The following NEK7 variants were observed in gnomAD, a reference collection of about 807,000 sequenced individuals.
NEK7 encodes the protein serine/threonine-protein kinase Nek7.
NEK7 carries 18 observed loss-of-function variants against 44.6 expected under a neutral mutation model. That is an observed-to-expected ratio of 0.40 (90% CI 0.28 to 0.60). NEK7 has a LOEUF of 0.60. Among genes scored for constraint, NEK7 ranks in the 20% least tolerant of loss-of-function variants. The pLI is 0.38. For synonymous variants in NEK7, 130 were observed against 121.1 expected (o/e 1.07, Z -0.48); for missense variants, 256 against 366.5 (o/e 0.70, Z 2.46).
Position 198,223,726 on chromosome 1 carries a change from A to G in NEK7, c.-28-8827A>G, listed in dbSNP as rs201001804. ...TATTTGAACTTTTAAAGTAAAAATT[A>G]GAGTTTTGGGAAACCTGTATTCATC... On this transcript the variant is annotated intron_variant, in intron 1 of 9. Transcript: ENST00000367385. 1.1e-4 allele frequency among the ~76,000 whole-genome samples: 17 copies of G among 152,332 alleles called. No homozygotes were observed. The East Asian group carries it at 1.5e-3, about 14-fold the overall frequency.
At chr1:198,179,707 A>T (rs1476191695) in intron 1 of NEK7, among the ~76,000 whole-genome samples, 1 of 152,040 alleles carries the variant, frequency 6.6e-6, no homozygotes, top group Non-Finnish European at 1.5e-5. Flanking sequence ...CCTATCCTTC[A>T]ATTGTGGCTT....
At chr1:198,248,891 TA>T (rs1666908122) in intron 2 of NEK7, among the ~76,000 whole-genome samples, 1 of 151,924 alleles carries the variant, frequency 6.6e-6, no homozygotes. Flanking sequence ...TTTATTTTAT[TA>T]TTATTATACT....
intron 9 of NEK7, among the ~76,000 whole-genome samples, chr1:198,300,613 C>G (rs867420257): frequency 1.6e-4 from 24 of 152,222 alleles, no homozygotes; most frequent in African/African-American, 5.5e-4. Flanking sequence ...GATGCCTCCC[C>G]CTGCAGACTG....
At chr1:198,263,043 C>T (rs938861233) in intron 4 of NEK7, among the ~76,000 whole-genome samples, 1 of 151,788 alleles carries the variant, frequency 6.6e-6, no homozygotes, top group Admixed American at 6.6e-5. Context: ...TCTAATGTTT[C>T]AATACTTTTT....
At chr1:198,306,207 T>A (rs1655022013) in intron 9 of NEK7, among the ~76,000 whole-genome samples, 1 of 152,094 alleles carries the variant, frequency 6.6e-6, no homozygotes, top group South Asian at 2.1e-4. Flanking sequence ...TAGGAAATAG[T>A]TTTTCTTTAC....
At chr1:198,270,304 A>C (rs1653795542) in intron 5 of NEK7, among the ~76,000 whole-genome samples, 1 of 151,904 alleles carries the variant, frequency 6.6e-6, no homozygotes, top group Non-Finnish European at 1.5e-5. Context: ...AATAGAAGAA[A>C]CTGTAAATGC....
At position 198,252,047 on chromosome 1, in the gene NEK7, T is replaced by C. The variant is rs376814394; in HGVS notation, c.58-993T>C. 3.5e-4 allele frequency among the ~76,000 whole-genome samples: 53 copies of C among 152,282 alleles called. 1 individual carries two copies. In the East Asian group the frequency reaches 7.3e-3, roughly 21 times the overall value. On this transcript the variant is annotated intron_variant, in intron 2 of 9. Coordinates refer to ENST00000367385, the MANE Select transcript of NEK7 (RefSeq NM_133494.3). ...ATTGCCCTCTACACACTGCTTTGAA[T>C]GTGTCCCAGAGATTCTGGTACGTTG...
chr1:198,208,828 T>C (rs1394323717), intron 1 of NEK7, among the ~76,000 whole-genome samples: 1 of 152,126 alleles, frequency 6.6e-6, no homozygotes, highest in Non-Finnish European at 1.5e-5. Flanking sequence ...AATTTCTGTT[T>C]CTGTGTTTCC....
chr1:198,188,655 C>T (rs1664985483), intron 1 of NEK7, among the ~76,000 whole-genome samples: 1 of 152,068 alleles, frequency 6.6e-6, no homozygotes, highest in South Asian at 2.1e-4. Flanking sequence ...GGCTGTGCTG[C>T]AAACACTTGG....
At chr1:198,277,540 C>G (rs780382773) in intron 5 of NEK7, among the ~76,000 whole-genome samples, 1 of 151,750 alleles carries the variant, frequency 6.6e-6, no homozygotes, top group Admixed American at 6.6e-5. Context: ...CAGGGTGGTT[C>G]AATATTTAAA....
At chr1:198,237,681 T>C (rs1453254352) in intron 2 of NEK7, among the ~76,000 whole-genome samples, 1 of 152,222 alleles carries the variant, frequency 6.6e-6, no homozygotes, top group Non-Finnish European at 1.5e-5. Flanking sequence ...ATCTCTTTGC[T>C]TTCATCCTCG....
chr1:198,221,760 A>G (rs976492504), intron 1 of NEK7, among the ~76,000 whole-genome samples: 1 of 151,970 alleles, frequency 6.6e-6, no homozygotes, highest in Non-Finnish European at 1.5e-5. Context: ...TTCAAATGAT[A>G]TTTAGGGAAA....
intron 9 of NEK7, among the ~76,000 whole-genome samples, chr1:198,298,811 G>A (rs2103016542): frequency 6.6e-6 from 1 of 152,304 alleles, no homozygotes. Context: ...TAGCTGATTA[G>A]GAGATGCCGA....
intron 1 of NEK7, among the ~76,000 whole-genome samples, chr1:198,168,281 T>G (rs1437786684): frequency 6.6e-6 from 1 of 152,162 alleles, no homozygotes; most frequent in African/African-American, 2.4e-5. Context: ...GGTTAATGAT[T>G]CAGATAATAT....
intron 1 of NEK7, chr1:198,197,713 T>C (rs1247170520): frequency 3.8e-6 from 2 of 530,846 alleles, no homozygotes; most frequent in African/African-American, 1.9e-5. Flanking sequence ...TGGTACAATA[T>C]GGCATCTGAA....
intron 9 of NEK7, among the ~76,000 whole-genome samples, chr1:198,314,833 C>T (rs185642375): frequency 6.6e-6 from 1 of 152,186 alleles, no homozygotes; most frequent in Non-Finnish European, 1.5e-5. Flanking sequence ...CTGCTCTCTT[C>T]AAAGCTGTCA....
intron 1 of NEK7, among the ~76,000 whole-genome samples, chr1:198,211,268 T>G (rs920178630): frequency 5.3e-5 from 8 of 152,236 alleles, no homozygotes; most frequent in Non-Finnish European, 8.8e-5. Context: ...AAAAAGCTTT[T>G]AGCAATGAGT....
At chr1:198,217,176 G>A (rs1665945897) in intron 1 of NEK7, among the ~76,000 whole-genome samples, 1 of 151,992 alleles carries the variant, frequency 6.6e-6, no homozygotes, top group African/African-American at 2.4e-5. Flanking sequence ...ACAAGTATCT[G>A]TAAAACACAG....
intron 6 of NEK7, 127 bp downstream of exon 6, chr1:198,278,196 C>T (rs898861982): frequency 6.9e-6 from 4 of 583,610 alleles, no homozygotes; most frequent in Admixed American, 3.2e-5. Context: ...TATAATTATG[C>T]TAGAATGTTA....
Sources: allele counts gnomAD v4.1 joint callset (sites outside exome capture counted in the v4.1 genomes callset), GRCh38; gene constraint gnomAD v4.1.1; transcripts MANE v1.5; gene names NCBI Gene and HGNC (gene_info 2026-07-23, HGNC 2026-07-21).